TPX2: variants seen among roughly 807,000 people sequenced by gnomAD.
TPX2 encodes the protein targeting protein for Xklp2.
In TPX2, 21 loss-of-function variants were observed where a neutral mutation model predicts 93.6. The observed-to-expected ratio is 0.22, with a 90% CI of 0.16 to 0.32. TPX2 has a LOEUF of 0.32. Ranked by LOEUF, TPX2 falls within the 10% of genes least tolerant of loss-of-function variation. The pLI is 1.00. For synonymous variants in TPX2, 281 were observed against 298.3 expected (o/e 0.94, Z 0.60); for missense variants, 776 against 871.1 (o/e 0.89, Z 1.37).
intron 12 of TPX2, among the ~76,000 whole-genome samples, chr20:31,786,741 TTG>T (rs1444904325): frequency 2.6e-5 from 4 of 152,118 alleles, no homozygotes; most frequent in African/African-American, 9.7e-5. Context: ...GGAAATTGGT[TTG>T]TCAGTTGTGT....
intron 2 of TPX2, among the ~76,000 whole-genome samples, chr20:31,745,494 A>C (rs1039907675): frequency 2.0e-5 from 3 of 152,008 alleles, no homozygotes; most frequent in African/African-American, 7.2e-5. Flanking sequence ...CACCTGGCTA[A>C]TTTTTGTATT....
chr20:31,769,266 C>T (rs1170764836), intron 5 of TPX2, among the ~76,000 whole-genome samples: 2 of 147,348 alleles, frequency 1.4e-5, no homozygotes, highest in African/African-American at 2.5e-5. Flanking sequence ...ACCATGTTTA[C>T]GTAATACGTG....
In TPX2 at chr20:31,798,477, C is replaced by T. The variant is rs774968187; in HGVS notation, c.2058C>T (p.Ala686=). ...KRMAEVEAQK[A]QQLEEARLQE... Reference sequence around the variant, plus strand: ...TGGCTGAGGTAGAAGCCCAGAAAGCCCAGCAGTTGGAGGAGGCCAGACTAC... The same window carrying T: ...TGGCTGAGGTAGAAGCCCAGAAAGCTCAGCAGTTGGAGGAGGCCAGACTAC... The change falls in exon 17 of 18, where the codon GCC becomes GCT. Residue 686 remains alanine, a synonymous_variant. Coordinates refer to ENST00000300403, the MANE Select transcript of TPX2 (RefSeq NM_012112.5). 8.1e-6 allele frequency: 13 copies of T among 1,613,548 alleles called. No individual in the cohort carries two copies. The highest frequency in any genetic ancestry group is 1.0e-5 in the Non-Finnish European group (12 of 1,180,024).
At chr20:31,794,694 T>C (rs2062124471) in intron 15 of TPX2, 146 bp downstream of exon 15, 2 of 1,044,516 alleles carry the variant, frequency 1.9e-6, no homozygotes, top group Admixed American at 2.7e-5. Flanking sequence ...ACATTATTTC[T>C]GTAAAGGGCC....
At chr20:31,777,848 C>T (rs887705792) in intron 9 of TPX2, among the ~76,000 whole-genome samples, 5 of 151,298 alleles carry the variant, frequency 3.3e-5, no homozygotes, top group Non-Finnish European at 7.4e-5. Flanking sequence ...ACGATTTCGG[C>T]TCACTGTAAC....
At chr20:31,749,946 A>G (rs2061808545) in intron 2 of TPX2, among the ~76,000 whole-genome samples, 2 of 151,886 alleles carry the variant, frequency 1.3e-5, no homozygotes, top group African/African-American at 4.8e-5. Flanking sequence ...ATTAATTATT[A>G]TTATATTTTT....
intron 2 of TPX2, among the ~76,000 whole-genome samples, chr20:31,756,888 A>T (rs2061855771): frequency 6.6e-6 from 1 of 152,260 alleles, no homozygotes; most frequent in African/African-American, 2.4e-5. Flanking sequence ...CAGCCTCTCG[A>T]AGTGCTGGGA....
chr20:31,797,142 A>G, intron 15 of TPX2, among the ~76,000 whole-genome samples: 1 of 152,208 alleles, frequency 6.6e-6, no homozygotes, highest in East Asian at 1.9e-4. Context: ...AAAAAGAAAA[A>G]AAAAAGTAAA....
intron 17 of TPX2, among the ~76,000 whole-genome samples, chr20:31,799,887 G>A (rs1200763321): frequency 2.2e-5 from 3 of 133,900 alleles, no homozygotes; most frequent in Admixed American, 1.6e-4. Flanking sequence ...GTGACAGAGC[G>A]AGACTGTCTC....
At position 31,775,918 on chromosome 20, in the gene TPX2, A is replaced by T; in HGVS notation, c.660A>T (p.Lys220Asn). Residue 220 changes from lysine to asparagine, a missense_variant, in exon 8 of 18, where the codon AAA becomes AAT. By Grantham distance (94) the Lys-to-Asn change is moderately conservative. Around this residue, in one of 3 missense-constraint regions of TPX2, gnomAD observed 279 missense variants for 261.6 expected, o/e 1.07. Coordinates refer to ENST00000300403, the MANE Select transcript of TPX2 (RefSeq NM_012112.5). ...AGCAAGAGCTGGAGAAGAGTATGAA[A>T]ATGCAGCAAGAGGTGGTGGAGATGC... ...TEEQELEKSMKMQQEVVEMRK... is the reference protein window; with the variant it reads ...TEEQELEKSMNMQQEVVEMRK... 6.2e-7 allele frequency: 1 copy of T among 1,607,146 alleles called. No homozygotes were observed. Among genetic ancestry groups the T allele is most frequent in the Non-Finnish European group, 8.5e-7 (1 of 1,176,192 alleles).
intron 4 of TPX2, among the ~76,000 whole-genome samples, chr20:31,764,919 G>A (rs868622863): frequency 6.6e-5 from 10 of 151,576 alleles, no homozygotes; most frequent in African/African-American, 2.4e-4. Context: ...CTTCCATGAA[G>A]CCTTTACTTG....
chr20:31,794,782 G>GTGTGTGTGTGTA (rs1555788458), intron 15 of TPX2, among the ~76,000 whole-genome samples: 16 of 151,800 alleles, frequency 1.1e-4, no homozygotes, highest in Non-Finnish European at 1.9e-4. Flanking sequence ...GTGTGTGTGT[G>GTGTGTGTGTGTA]TGTGTGTGTA....
intron 4 of TPX2, among the ~76,000 whole-genome samples, chr20:31,761,241 G>T (rs367767434): frequency 3.6e-5 from 4 of 112,420 alleles, no homozygotes; most frequent in Admixed American, 1.2e-4. Flanking sequence ...TCACCCTGTT[G>T]TCCAGGCAGG....
At chr20:31,798,328 G>A in intron 16 of TPX2, 37 bp from the exon 17 acceptor site, 1 of 1,613,210 alleles carries the variant, frequency 6.2e-7, no homozygotes. Flanking sequence ...TGCAAGTCCT[G>A]CTTGTGCACC....
Position 31,740,476 on chromosome 20 carries a change from G to A in TPX2, c.-178+855G>A, listed in dbSNP as rs552345454. Among the ~76,000 whole-genome samples the A allele has an allele frequency of 2.8e-4, 43 of 152,314 alleles. 1 individual carries two copies. Among genetic ancestry groups the A allele is most frequent in the African/African-American group, 1.0e-3 (43 of 41,556 alleles). ...TTGAGTCCCCCTGGTTGGTTTGGGT[G>A]AGTCAGTTCAGTATTAAGCTGGCAT... On this transcript the variant is annotated intron_variant, in intron 1 of 17. Coordinates refer to ENST00000300403, the MANE Select transcript of TPX2 (RefSeq NM_012112.5).
At chr20:31,752,876 AGTGCTGAGGTTACAG>A (rs1363256410) in intron 2 of TPX2, among the ~76,000 whole-genome samples, 3 of 152,086 alleles carry the variant, frequency 2.0e-5, no homozygotes, top group African/African-American at 7.2e-5. Context: ...GGCCTCCCAA[AGTGCTGAGGTTACAG>A]GTGCGAGCCA....
chr20:31,785,583 C>G (rs1184941263), intron 12 of TPX2, among the ~76,000 whole-genome samples: 1 of 151,792 alleles, frequency 6.6e-6, no homozygotes, highest in Non-Finnish European at 1.5e-5. Flanking sequence ...TGGCAACCTC[C>G]GCCTCCCGGG....
chr20:31,754,879 T>C (rs1321705608), intron 2 of TPX2, among the ~76,000 whole-genome samples: 1 of 152,168 alleles, frequency 6.6e-6, no homozygotes, highest in Non-Finnish European at 1.5e-5. Context: ...CAATGATTCA[T>C]TTAAAAAAAT....
At chr20:31,779,147 C>T (rs1275427804) in intron 10 of TPX2, among the ~76,000 whole-genome samples, 163 bp downstream of exon 10, 1 of 152,144 alleles carries the variant, frequency 6.6e-6, no homozygotes, top group African/African-American at 2.4e-5. Flanking sequence ...TTTTTCAAAC[C>T]ACCCAGCTGT....
Sources: gnomAD v4.1 joint callset for allele counts (sites outside exome capture counted in the v4.1 genomes callset) on GRCh38, gnomAD v4.1.1 for gene constraint, gnomAD v4.1.1 regional missense constraint, MANE v1.5 for transcripts, NCBI Gene and HGNC (gene_info 2026-07-23, HGNC 2026-07-21) for gene names.